The following NAV3 variants were observed in gnomAD, a reference collection of about 807,000 sequenced individuals.
NAV3 encodes the protein pore membrane and/or filament interacting like protein 1.
A neutral mutation model predicts 244.7 loss-of-function variants in NAV3; 87 were observed. That is an observed-to-expected ratio of 0.36 (90% CI 0.30 to 0.42). The LOEUF is 0.42. Ranked by LOEUF, NAV3 falls within the 20% of genes least tolerant of loss-of-function variation. NAV3 has a pLI of 1.00. For synonymous variants in NAV3, 1,126 were observed against 1,042.2 expected (o/e 1.08, Z -1.55); for missense variants, 2,663 against 2,893.3 (o/e 0.92, Z 1.83).
At position 78,119,878 on chromosome 12, in the gene NAV3, T is replaced by C. The variant is rs776195770; in HGVS notation, c.3682T>C (p.Cys1228Arg). ...ATCCAGCCCCACCTCTGCCAGCGCCTGTGGTGCACAAGGTCTCAGGCAGCC... is the reference window on the plus strand; with the variant it reads ...ATCCAGCCCCACCTCTGCCAGCGCCCGTGGTGCACAAGGTCTCAGGCAGCC... ...PKSSPTSASACGAQGLRQPGS... is the reference protein window; with the variant it reads ...PKSSPTSASARGAQGLRQPGS... The change falls in exon 15 of 40, where the codon TGT becomes CGT. Residue 1228 changes from cysteine (C) to arginine (R), a missense_variant. Transcript: ENST00000397909. 1.9e-6 allele frequency: 3 copies of C among 1,614,180 alleles called. No individual in the cohort carries two copies. Among genetic ancestry groups the C allele is most frequent in the Non-Finnish European group, 2.5e-6 (3 of 1,180,020 alleles).
At chr12:77,817,069 A>G (rs1038919960) in intron 2 of NAV3, among the ~76,000 whole-genome samples, 3 of 152,156 alleles carry the variant, frequency 2.0e-5, no homozygotes, top group African/African-American at 4.8e-5. Context: ...TCTATTTTCC[A>G]ATCTATTATC....
intron 5 of NAV3, among the ~76,000 whole-genome samples, chr12:77,980,527 A>AT (rs563504752): frequency 1.1e-4 from 17 of 152,262 alleles, no homozygotes; most frequent in Non-Finnish European, 2.5e-4. Flanking sequence ...AAATAATCTG[A>AT]TTTTTCACTG....
At chr12:77,997,819 A>G (rs1175887475) in intron 6 of NAV3, among the ~76,000 whole-genome samples, 1 of 152,214 alleles carries the variant, frequency 6.6e-6, no homozygotes, top group Non-Finnish European at 1.5e-5. Context: ...GTAGCTAAGT[A>G]ACTTAGATAC....
At chr12:77,870,404 A>T (rs1271825287) in intron 1 of NAV3, among the ~76,000 whole-genome samples, 5 of 151,732 alleles carry the variant, frequency 3.3e-5, no homozygotes, top group Non-Finnish European at 5.9e-5. Flanking sequence ...TAATTGCTAC[A>T]TCTCTAAAAT....
chr12:77,993,577 C>T (rs3803037), intron 5 of NAV3, among the ~76,000 whole-genome samples: 125,270 of 152,110 alleles, frequency 0.82, 51,734 homozygotes, highest in Admixed American at 0.87. Flanking sequence ...AAAGCTCCCT[C>T]TATATGAGGG....
intron 30 of NAV3, among the ~76,000 whole-genome samples, chr12:78,182,132 G>T (rs1262370191): frequency 6.6e-6 from 1 of 152,004 alleles, no homozygotes; most frequent in African/African-American, 2.4e-5. Flanking sequence ...AAAAGCAAGA[G>T]ATTTCAGAAT....
intron 1 of NAV3, among the ~76,000 whole-genome samples, chr12:77,850,015 G>A (rs114286142): frequency 0.022 from 3,401 of 152,182 alleles, 117 homozygotes; most frequent in African/African-American, 0.077. Context: ...AAAATTCTAC[G>A]CCCGTGTCCT....
In NAV3 at chr12:77,608,236, G is replaced by A. The variant is rs73133978; in HGVS notation, c.72+35970G>A. On this transcript the variant is annotated intron_variant, in intron 2 of 8. Transcript: ENST00000550042. ...AAAATTGTCAAGATATGGACATACTGTAATGTTATTCAAACATTCTTCTTA... is the reference window on the plus strand; with the variant it reads ...AAAATTGTCAAGATATGGACATACTATAATGTTATTCAAACATTCTTCTTA... Among the ~76,000 whole-genome samples, 108 of 152,162 alleles carry A rather than the reference G, an allele frequency of 7.1e-4. No homozygotes were observed. In the South Asian group the frequency reaches 9.5e-3, roughly 13 times the overall value.
chr12:77,669,275 G>C (rs1057158044), intron 2 of NAV3, among the ~76,000 whole-genome samples: 1 of 151,922 alleles, frequency 6.6e-6, no homozygotes, highest in South Asian at 2.1e-4. Flanking sequence ...CAGGGCCTAA[G>C]TAACAACACA....
chr12:77,601,951 T>A lies in NAV3; in HGVS notation c.72+29685T>A, dbSNP rs140469156. Among the ~76,000 whole-genome samples the A allele has an allele frequency of 9.9e-5, 15 of 152,134 alleles. No homozygotes were observed. In the East Asian group the frequency reaches 1.7e-3, roughly 18 times the overall value. ...GGAACAATGCCTTTGAAATTCTGGC[T>A]TTTTTAGCTGCTGTACCAAAGATCC... On this transcript the variant is annotated intron_variant, in intron 2 of 8. Transcript: ENST00000550042.
At chr12:77,582,943 AT>A (rs1869436243) in intron 2 of NAV3, among the ~76,000 whole-genome samples, 1 of 152,232 alleles carries the variant, frequency 6.6e-6, no homozygotes, top group South Asian at 2.1e-4. Context: ...ACAGCACTTG[AT>A]TTGTCTGACA....
intron 1 of NAV3, among the ~76,000 whole-genome samples, chr12:77,930,052 C>T (rs1888633464): frequency 6.6e-6 from 1 of 152,098 alleles, no homozygotes; most frequent in African/African-American, 2.4e-5. Flanking sequence ...AGTCCTATCC[C>T]TAGCTCCTCT....
At chr12:78,149,537 T>C (rs1357039778) in intron 22 of NAV3, among the ~76,000 whole-genome samples, 1 of 152,080 alleles carries the variant, frequency 6.6e-6, no homozygotes, top group Non-Finnish European at 1.5e-5. Flanking sequence ...TCTTCCACTG[T>C]GTCAGGGAGC....
At chr12:78,031,330 T>C (rs1878944165) in intron 9 of NAV3, among the ~76,000 whole-genome samples, 1 of 152,116 alleles carries the variant, frequency 6.6e-6, no homozygotes, top group Non-Finnish European at 1.5e-5. Context: ...TAACAGCACC[T>C]TGATTTTCTT....
intron 2 of NAV3, among the ~76,000 whole-genome samples, chr12:77,617,831 C>T (rs1871201101): frequency 6.6e-6 from 1 of 152,166 alleles, no homozygotes; most frequent in African/African-American, 2.4e-5. Flanking sequence ...GTAGTTTCAC[C>T]AGTATGCAAG....
At chr12:77,701,181 T>C (rs944312066) in intron 2 of NAV3, among the ~76,000 whole-genome samples, 2 of 151,924 alleles carry the variant, frequency 1.3e-5, no homozygotes, top group African/African-American at 4.8e-5. Flanking sequence ...CATTTGGAAA[T>C]GGAGTTTTCT....
chr12:78,086,606 C>G (rs767584877), intron 12 of NAV3, among the ~76,000 whole-genome samples: 1 of 151,916 alleles, frequency 6.6e-6, no homozygotes, highest in African/African-American at 2.4e-5. Flanking sequence ...ATTTGTATGC[C>G]TAATGAGAAG....
intron 2 of NAV3, among the ~76,000 whole-genome samples, chr12:77,757,454 G>A (rs1300142866): frequency 6.6e-6 from 1 of 152,088 alleles, no homozygotes; most frequent in Non-Finnish European, 1.5e-5. Context: ...AATATCACCT[G>A]TTCATTCCTT....
At chr12:77,664,784 T>A (rs547634511) in intron 2 of NAV3, among the ~76,000 whole-genome samples, 1 of 152,346 alleles carries the variant, frequency 6.6e-6, no homozygotes, top group South Asian at 2.1e-4. Flanking sequence ...TTCAATTTAT[T>A]CATATTTGTT....
Sources: allele counts gnomAD v4.1 joint callset (sites outside exome capture counted in the v4.1 genomes callset), GRCh38; gene constraint gnomAD v4.1.1; transcripts MANE v1.5; gene names NCBI Gene and HGNC (gene_info 2026-07-23, HGNC 2026-07-21).